PCDHA1: variants seen among roughly 807,000 people sequenced by gnomAD.
PCDHA1 encodes protocadherin alpha 1, also known as protocadherin alpha-1.
A neutral mutation model predicts 61.3 loss-of-function variants in PCDHA1; 42 were observed. The ratio of observed to expected loss-of-function variants is 0.69; its 90% CI spans 0.54 to 0.89. The LOEUF (loss-of-function observed/expected upper bound fraction) is 0.89, where lower values mean the gene tolerates loss of function less well. PCDHA1 is among the 40% of genes least tolerant of loss of function. PCDHA1 has a pLI of 0.00. For synonymous variants in PCDHA1, 610 were observed against 553.8 expected, an observed-to-expected ratio of 1.10 and a Z score of -1.43; for missense variants, 1,256 against 1,235.3, an observed-to-expected ratio of 1.02 and a Z score of -0.25.
At chr5:140,877,357 G>A in intron 1 of PCDHA1, 2 of 1,614,020 alleles carry the variant, frequency 1.2e-6, no homozygotes, top group African/African-American at 2.7e-5. Flanking sequence ...GCTGTACACT[G>A]GCGAGATCAG....
rs1261636098 is a variant in PCDHA1, at chr5:140,968,913, C to G, written c.2395-10036C>G. 6.8e-6 allele frequency: 11 copies of G among 1,614,036 alleles called. No homozygotes were observed. Among genetic ancestry groups the G allele is most frequent in the Non-Finnish European group, 8.5e-6 (10 of 1,180,044 alleles). On this transcript the variant is annotated intron_variant, in intron 1 of 3. Transcript: ENST00000504120. ...CTAATAATAGCATTAAGCACAGTGT[C>G]TTTTATATTTCTTTTGACAATCATC...
intron 1 of PCDHA1, chr5:140,856,255 A>G: frequency 2.5e-6 from 4 of 1,597,974 alleles, no homozygotes; most frequent in Non-Finnish European, 3.4e-6. Flanking sequence ...CGTCCAAAAG[A>G]CACGGGGACC....
chr5:140,966,435 C>G (rs1554228292), intron 1 of PCDHA1: 5 of 423,758 alleles, frequency 1.2e-5, no homozygotes, highest in African/African-American at 1.0e-4. Context: ...GCCCTCCTAC[C>G]GCTCCCTTTC....
At position 140,858,521 on chromosome 5, in the gene PCDHA1, A is replaced by T. The variant is rs782589492; in HGVS notation, c.2394+69837A>T. 6.3e-6 allele frequency: 9 copies of T among 1,420,880 alleles called. 2 individuals are homozygous for T. The African/African-American group carries it at 1.3e-4, about 20-fold the overall frequency. 88.0% of individuals were successfully genotyped at this position (1,420,880 alleles called of 1,614,324 possible). ...CATTTTCTCAAATATGTATCAGAAT[A>T]TTTCATTTTTGTCTACATTCCATTT... On this transcript the variant is annotated intron_variant, in intron 1 of 3. Transcript: ENST00000504120.
chr5:140,882,859 G>A (rs2059337136), intron 1 of PCDHA1: 1 of 1,614,192 alleles, frequency 6.2e-7, no homozygotes, highest in East Asian at 2.2e-5. Context: ...TTGTACTGAG[G>A]AAAACACTGG....
chr5:140,905,152 G>T (rs2071629879), intron 1 of PCDHA1, among the ~76,000 whole-genome samples: 1 of 152,154 alleles, frequency 6.6e-6, no homozygotes. Context: ...TTATATTTTA[G>T]AATTTTCATG....
intron 1 of PCDHA1, chr5:140,876,199 G>C: frequency 6.2e-7 from 1 of 1,613,940 alleles, no homozygotes; most frequent in South Asian, 1.1e-5. Flanking sequence ...TCCGGCGTTT[G>C]ATAAGCCCAG....
chr5:140,974,394 A>G (rs1554236015), intron 1 of PCDHA1, among the ~76,000 whole-genome samples: 1 of 152,212 alleles, frequency 6.6e-6, no homozygotes, highest in Non-Finnish European at 1.5e-5. Context: ...CCCATTAGGT[A>G]TGTTCTAAAG....
At position 140,856,290 on chromosome 5, in the gene PCDHA1, G is replaced by A. The variant is rs143002904; in HGVS notation, c.2394+67606G>A. 7.5e-3 allele frequency: 12,003 copies of A among 1,598,482 alleles called. 1,113 individuals are homozygous for A. The highest frequency in any genetic ancestry group is 7.4e-3 in the Non-Finnish European group (8,655 of 1,168,072). On this transcript the variant is annotated intron_variant, in intron 1 of 3. Coordinates refer to ENST00000504120, the MANE Select transcript of PCDHA1 (RefSeq NM_018900.4). ...CTTCTGGAGGTAAATCTGCAGAATG[G>A]CATTTTGTTTGTGAATTCTCGGATT...
At chr5:140,899,884 T>C (rs1467670856) in intron 1 of PCDHA1, among the ~76,000 whole-genome samples, 17 of 152,152 alleles carry the variant, frequency 1.1e-4, no homozygotes, top group African/African-American at 3.9e-4. Flanking sequence ...CAGAACTCAG[T>C]GCAGCCTTGA....
In PCDHA1 at chr5:140,849,224, C is replaced by G; in HGVS notation, c.2394+60540C>G. The G allele has an allele frequency of 1.9e-6, 2 of 1,040,424 alleles. 1 individual carries two copies. The allele number at this position is 1,040,424 out of a possible 1,614,324, so 64.4% of individuals were successfully genotyped here. A position where few individuals can be genotyped will look rare whatever the true frequency, so the allele number is the denominator to read the frequency against. On this transcript the variant is annotated intron_variant, in intron 1 of 3. Coordinates refer to ENST00000504120, the MANE Select transcript of PCDHA1 (RefSeq NM_018900.4). ...ACAATGACAATGCCCCAGTGTTCGACAGAACCCTGTATACGGTGAAATTAC... is the reference window on the plus strand; with the variant it reads ...ACAATGACAATGCCCCAGTGTTCGAGAGAACCCTGTATACGGTGAAATTAC...
chr5:140,863,399 A>G, intron 1 of PCDHA1: 2 of 871,986 alleles, frequency 2.3e-6, no homozygotes, highest in Non-Finnish European at 3.6e-6. Context: ...ATGCCGGGCA[A>G]GCCCACGCTG....
In PCDHA1 at chr5:140,835,636, TG is replaced by T. The variant is rs2150240289; in HGVS notation, c.2394+46953del. ...GACAGCGCTCTGGACCGCGAGAGTG[TG>T]TCCGCCTATGAGCTGGTGGTTACCG... On this transcript the variant is annotated intron_variant, in intron 1 of 3. Transcript: ENST00000504120. 6 of 1,613,906 alleles carry T rather than the reference TG, an allele frequency of 3.7e-6. No individual in the cohort carries two copies. The East Asian group carries it at 8.9e-5, about 24-fold the overall frequency.
chr5:140,798,311 T>G (rs536333380), intron 1 of PCDHA1, among the ~76,000 whole-genome samples: 1 of 152,234 alleles, frequency 6.6e-6, no homozygotes, highest in Non-Finnish European at 1.5e-5. Context: ...ATAAGTAAAA[T>G]AACCCATTAT....
chr5:140,827,741 T>G (rs949123681), intron 1 of PCDHA1, among the ~76,000 whole-genome samples: 4 of 152,220 alleles, frequency 2.6e-5, no homozygotes, highest in African/African-American at 9.6e-5. Context: ...TGTGAATAAT[T>G]AGATCCCTTA....
At chr5:140,993,023 G>C (rs2097537603) in intron 3 of PCDHA1, among the ~76,000 whole-genome samples, 1 of 152,146 alleles carries the variant, frequency 6.6e-6, no homozygotes. Flanking sequence ...AGCATCCCCT[G>C]TGGGCTCCGT....
chr5:140,801,631 C>A (rs782739143), intron 1 of PCDHA1: 1 of 1,614,146 alleles, frequency 6.2e-7, no homozygotes, highest in African/African-American at 1.3e-5. Context: ...ATTTCCGAAT[C>A]CCGACAGCCT....
chr5:140,888,980 G>A (rs1429569959), intron 1 of PCDHA1, among the ~76,000 whole-genome samples: 2 of 152,022 alleles, frequency 1.3e-5, no homozygotes, highest in Non-Finnish European at 2.9e-5. Context: ...TTGAATTTAT[G>A]ATTTATGATT....
chr5:140,888,059 T>C (rs1562834280), intron 1 of PCDHA1, among the ~76,000 whole-genome samples: 1 of 152,232 alleles, frequency 6.6e-6, no homozygotes, highest in African/African-American at 2.4e-5. Context: ...TGTTTTAACT[T>C]TCTTGTCTGC....
Sources: allele counts gnomAD v4.1 joint callset (sites outside exome capture counted in the v4.1 genomes callset), GRCh38; gene constraint gnomAD v4.1.1; transcripts MANE v1.5; gene names NCBI Gene and HGNC (gene_info 2026-07-23, HGNC 2026-07-21).